Variants in JPH3 observed in about 807,000 individuals in gnomAD.
JPH3 encodes junctophilin 3.
A neutral mutation model predicts 59.6 loss-of-function variants in JPH3; 11 were observed. That is an observed-to-expected ratio of 0.18 (90% CI 0.12 to 0.31). The LOEUF is 0.31. JPH3 is among the 10% of genes least tolerant of loss of function. The pLI is 1.00. For missense variants in JPH3, 1,202 were observed against 1,105.7 expected, an observed-to-expected ratio of 1.09 and a Z score of -1.24; for synonymous variants, 673 against 483.6, an observed-to-expected ratio of 1.39 and a Z score of -5.14.
chr16:87,684,117 T>C lies in JPH3; in HGVS notation c.1161-25T>C, dbSNP rs1239532241. On this transcript the variant is annotated intron_variant, in intron 2 of 4. Coordinates refer to ENST00000284262, the MANE Select transcript of JPH3 (RefSeq NM_020655.4). ...TGTCACCTGTGCCCCCTGCCCCCCC[T>C]CACGCTCCTCCCTGTCTCCCCCAGG... is the stretch of plus-strand genomic sequence containing the variant. 3.8e-6 allele frequency: 6 copies of C among 1,594,878 alleles called. No individual in the cohort carries two copies. The Admixed American group carries it at 8.4e-5, about 22-fold the overall frequency.
chr16:87,606,693 A>G (rs1041283350), intron 1 of JPH3, among the ~76,000 whole-genome samples: 1 of 152,228 alleles, frequency 6.6e-6, no homozygotes, highest in Non-Finnish European at 1.5e-5. Context: ...TGGCTATGCC[A>G]GGAATATAGT....
rs563454563 is a variant in JPH3, at chr16:87,641,587, A to C, written c.383-2671A>C. On this transcript the variant is annotated intron_variant, in intron 1 of 4. Coordinates refer to ENST00000284262, the MANE Select transcript of JPH3 (RefSeq NM_020655.4). ...CCTGGTACCCCCCTTCTCCAGCCCC[A>C]AATAAGTCACGTTCACAGGATCCCC... 1.2e-4 allele frequency among the ~76,000 whole-genome samples: 19 copies of C among 152,310 alleles called. No homozygotes were observed. The East Asian group carries it at 3.7e-3, about 29-fold the overall frequency.
chr16:87,642,028 TG>T (rs975997361), intron 1 of JPH3, among the ~76,000 whole-genome samples: 8 of 148,060 alleles, frequency 5.4e-5, no homozygotes, highest in African/African-American at 2.0e-4. Context: ...GATTGGAGGG[TG>T]GGAGTGTGAG....
intron 1 of JPH3, among the ~76,000 whole-genome samples, chr16:87,618,288 G>C (rs1291192001): frequency 6.6e-6 from 1 of 152,260 alleles, no homozygotes; most frequent in Non-Finnish European, 1.5e-5. Flanking sequence ...GACTCGAGAA[G>C]TGGGCAGAGG....
rs188210212 is a variant in JPH3, at chr16:87,685,370, C to G, written c.1285+1104C>G. 3.2e-3 allele frequency among the ~76,000 whole-genome samples: 489 copies of G among 152,348 alleles called. 5 individuals carry two copies. Among genetic ancestry groups the G allele is most frequent in the African/African-American group, 0.011 (467 of 41,584 alleles). The stretch of plus-strand genomic sequence containing the variant: ...CCTGGCCCCTCCAGACACACGCACC[C>G]CAAAGTGTCCAAGTGGGAGGGCAAT... On this transcript the variant is annotated intron_variant, in intron 3 of 4. Coordinates refer to ENST00000284262, the MANE Select transcript of JPH3 (RefSeq NM_020655.4).
At chr16:87,663,681 CAG>C (rs1230999587) in intron 2 of JPH3, among the ~76,000 whole-genome samples, 1 of 152,184 alleles carries the variant, frequency 6.6e-6, no homozygotes, top group African/African-American at 2.4e-5. Flanking sequence ...CCATCCTCGT[CAG>C]GGCACAACTT....
intron 1 of JPH3, among the ~76,000 whole-genome samples, chr16:87,642,754 G>C (rs902630565): frequency 6.6e-6 from 1 of 152,246 alleles, no homozygotes; most frequent in African/African-American, 2.4e-5. Context: ...GTGACCTTTG[G>C]CATGAGGAGT....
rs370118355 is a variant in JPH3, at chr16:87,696,687, G to A, written c.*27G>A. Reference sequence around the variant, plus strand: ...GAGATGTCGCGGTAGCAAAAATAGAGAAAGGGTAGAAAAAAGGGACATTAA... The same window carrying A: ...GAGATGTCGCGGTAGCAAAAATAGAAAAAGGGTAGAAAAAAGGGACATTAA... On this transcript the variant is annotated 3_prime_UTR_variant, in exon 5 of 5. Transcript: ENST00000284262. 6.4e-7 allele frequency: 1 copy of A among 1,570,408 alleles called. No individual in the cohort carries two copies. Among genetic ancestry groups the A allele is most frequent in the Admixed American group, 1.7e-5 (1 of 59,766 alleles).
chr16:87,674,491 TC>T (rs1400516142), intron 2 of JPH3, among the ~76,000 whole-genome samples: 2 of 152,004 alleles, frequency 1.3e-5, no homozygotes, highest in Non-Finnish European at 2.9e-5. Flanking sequence ...CCTAGTGAGC[TC>T]CCAAACAGGG....
intron 2 of JPH3, among the ~76,000 whole-genome samples, chr16:87,663,189 A>G (rs950476301): frequency 6.7e-6 from 1 of 150,356 alleles, no homozygotes; most frequent in African/African-American, 2.5e-5. Context: ...GCTCACTGCA[A>G]CTTCCGCCTC....
intron 1 of JPH3, among the ~76,000 whole-genome samples, chr16:87,617,937 C>T (rs1383239225): frequency 6.6e-6 from 1 of 151,760 alleles, no homozygotes; most frequent in African/African-American, 2.4e-5. Flanking sequence ...CTGAGGTGGG[C>T]GGATCACTTG....
chr16:87,683,445 C>T (rs1487938307), intron 2 of JPH3, among the ~76,000 whole-genome samples: 2 of 152,042 alleles, frequency 1.3e-5, no homozygotes, highest in Non-Finnish European at 2.9e-5. Context: ...GCTGGGATTA[C>T]AGGCACGTGC....
At chr16:87,645,839 T>C (rs1430423310) in intron 2 of JPH3, among the ~76,000 whole-genome samples, 1 of 152,170 alleles carries the variant, frequency 6.6e-6, no homozygotes, top group Admixed American at 6.5e-5. Context: ...TGCTGCAGGT[T>C]GGAGGAAGTT....
Position 87,680,067 on chromosome 16 carries a change from T to C in JPH3, c.1161-4075T>C, listed in dbSNP as rs2033247805. Among the ~76,000 whole-genome samples, 3 of 152,272 alleles carry C rather than the reference T, an allele frequency of 2.0e-5. No homozygotes were observed. The South Asian group carries it at 6.2e-4, about 32-fold the overall frequency. On this transcript the variant is annotated intron_variant, in intron 2 of 4. Coordinates refer to ENST00000284262, the MANE Select transcript of JPH3 (RefSeq NM_020655.4). Reference sequence around the variant, plus strand: ...GCCACACACCCAGCCCAGGGTGTGGTCTCCCCACCCAGCTGCCTCCCTTGC... The same window carrying C: ...GCCACACACCCAGCCCAGGGTGTGGCCTCCCCACCCAGCTGCCTCCCTTGC...
intron 1 of JPH3, among the ~76,000 whole-genome samples, chr16:87,608,791 C>G (rs1262000354): frequency 6.6e-6 from 1 of 152,190 alleles, no homozygotes; most frequent in African/African-American, 2.4e-5. Flanking sequence ...GATCCCAACA[C>G]TTTGGGAGGC....
intron 2 of JPH3, among the ~76,000 whole-genome samples, chr16:87,672,932 G>T: frequency 6.6e-6 from 1 of 152,180 alleles, no homozygotes; most frequent in South Asian, 2.1e-4. Context: ...ATCACCTAAG[G>T]TCAGGAGTTC....
upstream of JPH3, among the ~76,000 whole-genome samples, chr16:87,602,444 CG>C (rs2030246298): frequency 0.011 from 12 of 1,124 alleles, no homozygotes; most frequent in African/African-American, 0.016. Context: ...GGGCGGGGGG[CG>C]GGGGGCGGGG....
intron 1 of JPH3, among the ~76,000 whole-genome samples, chr16:87,622,315 C>A (rs969871960): frequency 6.6e-6 from 1 of 152,188 alleles, no homozygotes; most frequent in Non-Finnish European, 1.5e-5. Context: ...GGGCTTGGGT[C>A]TGAGGTCAGC....
At chr16:87,668,586 G>A (rs1396443860) in intron 2 of JPH3, among the ~76,000 whole-genome samples, 2 of 152,296 alleles carry the variant, frequency 1.3e-5, no homozygotes, top group East Asian at 3.9e-4. Context: ...CCTTGCCAAG[G>A]GTCCGGTGGG....
Sources: gnomAD v4.1 joint callset for allele counts (sites outside exome capture counted in the v4.1 genomes callset) on GRCh38, gnomAD v4.1.1 for gene constraint, MANE v1.5 for transcripts, NCBI Gene and HGNC (gene_info 2026-07-23, HGNC 2026-07-21) for gene names.